The following FTO variants were observed in gnomAD, a reference collection of about 807,000 sequenced individuals.
FTO encodes alpha-ketoglutarate-dependent dioxygenase FTO.
In FTO, 47 loss-of-function variants were observed where a neutral mutation model predicts 63.9. The ratio of observed to expected loss-of-function variants is 0.74; its 90% CI spans 0.58 to 0.94. FTO has a LOEUF of 0.94. Ranked by LOEUF, FTO falls within the 40% of genes least tolerant of loss-of-function variation. The pLI is 0.00. For synonymous variants in FTO, 207 were observed against 224.4 expected (o/e 0.92, Z 0.69); for missense variants, 562 against 618.1 (o/e 0.91, Z 0.96).
At position 53,879,856 on chromosome 16, in the gene FTO, A is replaced by G; in HGVS notation, c.988A>G (p.Thr330Ala). Residue 330 changes from threonine to alanine, a missense_variant, in exon 6 of 9, where the codon ACC (threonine) becomes GCC (alanine). Thr to Ala is a moderately conservative substitution (Grantham distance 58). Transcript: ENST00000471389. ...THRVAECSTG[T>A]LDYILQRCQL... ...TCTGTCTCAACAGTGCTCAACAGGA[A>G]CCTTGGATTATATTTTACAACGCTG... 6.2e-7 allele frequency: 1 copy of G among 1,613,998 alleles called. No individual in the cohort carries two copies. The highest frequency in any genetic ancestry group is 8.5e-7 in the Non-Finnish European group (1 of 1,179,940).
chr16:53,746,191 G>A (rs1392787062), intron 1 of FTO, among the ~76,000 whole-genome samples: 1 of 152,186 alleles, frequency 6.6e-6, no homozygotes, highest in African/African-American at 2.4e-5. Context: ...AGCCAATGAC[G>A]TGGAAGTGAT....
intron 1 of FTO, among the ~76,000 whole-genome samples, chr16:53,792,478 G>A (rs897803291): frequency 6.6e-6 from 1 of 152,222 alleles, no homozygotes; most frequent in Non-Finnish European, 1.5e-5. Flanking sequence ...GTCACTTATA[G>A]TGACTTTACT....
chr16:53,873,554 C>T (rs2080562044), intron 4 of FTO, among the ~76,000 whole-genome samples: 1 of 149,454 alleles, frequency 6.7e-6, no homozygotes, highest in Non-Finnish European at 1.5e-5. Context: ...TATGTATCTA[C>T]ATATATATAA....
At chr16:54,016,860 T>C (rs1027304861) in intron 8 of FTO, among the ~76,000 whole-genome samples, 1 of 152,150 alleles carries the variant, frequency 6.6e-6, no homozygotes, top group Non-Finnish European at 1.5e-5. Flanking sequence ...AAAATTCAAC[T>C]ACAACATCCA....
At chr16:53,950,172 A>AAAAAAAAC (rs1555497363) in intron 8 of FTO, among the ~76,000 whole-genome samples, 1 of 148,564 alleles carries the variant, frequency 6.7e-6, no homozygotes, top group Non-Finnish European at 1.5e-5. Flanking sequence ...AAAAAAAAAA[A>AAAAAAAAC]AAAAAAACTT....
At chr16:53,743,289 C>G (rs1285104583) in intron 1 of FTO, among the ~76,000 whole-genome samples, 1 of 152,090 alleles carries the variant, frequency 6.6e-6, no homozygotes, top group African/African-American at 2.4e-5. Flanking sequence ...CCTTTTGGTT[C>G]TTTCTCCCAG....
Position 53,825,975 on chromosome 16 carries a change from T to C in FTO, c.235T>C (p.Phe79Leu). ...FLTLHKHGCL[F>L]RDLVRIQGKD... ...CACACTGCACAAGCATGGCTGCTTA[T>C]TTCGGGACCTGGTTAGGATCCAAGG... Residue 79 changes from phenylalanine to leucine, a missense_variant, in exon 3 of 9, where the codon TTT (phenylalanine) becomes CTT (leucine). Coordinates refer to ENST00000471389, the MANE Select transcript of FTO (RefSeq NM_001080432.3). 6.2e-7 allele frequency: 1 copy of C among 1,614,184 alleles called. No homozygotes were observed.
In FTO at chr16:54,118,018, A is replaced by G. The variant is rs2086983971; in HGVS notation, c.*6103A>G. 1 of 152,282 alleles carries G rather than the reference A, an allele frequency of 6.6e-6. No individual in the cohort carries two copies. Among genetic ancestry groups the G allele is most frequent in the East Asian group, 1.9e-4 (1 of 5,204 alleles). 9.4% of individuals were successfully genotyped at this position (152,282 alleles called of 1,614,324 possible). A position where few individuals can be genotyped will look rare whatever the true frequency, so the allele number is the denominator to read the frequency against. ...ATGTGTGTCAAGCTAAATGGATAAC[A>G]GCAGATACAGATCTGTTTGCCTGTC... On this transcript the variant is annotated 3_prime_UTR_variant, in exon 9 of 9. Coordinates refer to ENST00000471389, the MANE Select transcript of FTO (RefSeq NM_001080432.3).
chr16:54,016,646 G>A (rs1224680937), intron 8 of FTO, among the ~76,000 whole-genome samples: 1 of 152,136 alleles, frequency 6.6e-6, no homozygotes, highest in African/African-American at 2.4e-5. Context: ...CCCTTGCCCC[G>A]AAAGTAAGGC....
At chr16:54,077,195 T>C (rs188784948) in intron 8 of FTO, among the ~76,000 whole-genome samples, 21 of 152,278 alleles carry the variant, frequency 1.4e-4, no homozygotes, top group Admixed American at 5.9e-4. Flanking sequence ...TTTATTAGAT[T>C]GTAGTGGAGA....
intron 8 of FTO, among the ~76,000 whole-genome samples, chr16:54,107,051 G>GTA (rs2086772195): frequency 6.9e-6 from 1 of 144,442 alleles, no homozygotes. Flanking sequence ...TATAAAATAC[G>GTA]TATATATAAA....
At chr16:54,048,517 C>A (rs1472488286) in intron 8 of FTO, among the ~76,000 whole-genome samples, 2 of 152,234 alleles carry the variant, frequency 1.3e-5, no homozygotes, top group Non-Finnish European at 2.9e-5. Flanking sequence ...ACAGTTGGCA[C>A]TTCTGTTCTT....
chr16:54,034,691 A>G (rs550326841), intron 8 of FTO, among the ~76,000 whole-genome samples: 1 of 152,330 alleles, frequency 6.6e-6, no homozygotes, highest in African/African-American at 2.4e-5. Context: ...TCAAGTCACA[A>G]AACAATCTTT....
At chr16:53,891,525 G>C (rs1009714297) in intron 7 of FTO, among the ~76,000 whole-genome samples, 1 of 151,996 alleles carries the variant, frequency 6.6e-6, no homozygotes, top group Non-Finnish European at 1.5e-5. Context: ...TCCATGTGTG[G>C]TGGTGCATGT....
At chr16:53,945,985 G>A (rs915691992) in intron 8 of FTO, among the ~76,000 whole-genome samples, 1 of 152,010 alleles carries the variant, frequency 6.6e-6, no homozygotes, top group African/African-American at 2.4e-5. Context: ...CTATCTCAGG[G>A]GTATCCCCAG....
chr16:53,793,087 G>A (rs1253353272), intron 1 of FTO, among the ~76,000 whole-genome samples: 1 of 152,162 alleles, frequency 6.6e-6, no homozygotes, highest in Non-Finnish European at 1.5e-5. Context: ...AGCTAATGGA[G>A]TCAAAAGAAG....
intron 8 of FTO, among the ~76,000 whole-genome samples, chr16:54,073,599 T>TTCTC (rs150379576): frequency 1.3e-5 from 2 of 149,230 alleles, no homozygotes; most frequent in Non-Finnish European, 3.0e-5. Flanking sequence ...GCTCTCTCTC[T>TTCTC]TCTCTCTCTC....
chr16:54,090,378 A>T (rs1389391800), intron 8 of FTO, among the ~76,000 whole-genome samples: 1 of 152,128 alleles, frequency 6.6e-6, no homozygotes, highest in African/African-American at 2.4e-5. Flanking sequence ...GGGCTGGGAG[A>T]AGGGAAATGG....
intron 8 of FTO, among the ~76,000 whole-genome samples, chr16:53,944,182 G>A (rs933641607): frequency 2.6e-5 from 4 of 152,166 alleles, no homozygotes; most frequent in Non-Finnish European, 5.9e-5. Flanking sequence ...TAGGTCCTGA[G>A]GTTGTAGAGA....
Sources: gnomAD v4.1 joint callset for allele counts (sites outside exome capture counted in the v4.1 genomes callset) on GRCh38, gnomAD v4.1.1 for gene constraint, MANE v1.5 for transcripts, NCBI Gene and HGNC (gene_info 2026-07-23, HGNC 2026-07-21) for gene names.